Variants in ADGRG6 observed in about 807,000 individuals in gnomAD.
ADGRG6 encodes adhesion G protein-coupled receptor G6.
ADGRG6 carries 84 observed loss-of-function variants against 142.4 expected under a neutral mutation model. That is an observed-to-expected ratio of 0.59 (90% CI 0.49 to 0.71). The LOEUF is 0.71. Ranked by LOEUF, ADGRG6 falls within the 30% of genes least tolerant of loss-of-function variation. The pLI is 0.00. For synonymous variants in ADGRG6, 521 were observed against 520.5 expected (o/e 1.00, Z -0.01); for missense variants, 1,367 against 1,466.6 (o/e 0.93, Z 1.11).
chr6:142,317,725 A>G (rs980280497), intron 2 of ADGRG6, among the ~76,000 whole-genome samples: 7 of 110,862 alleles, frequency 6.3e-5, no homozygotes, highest in Non-Finnish European at 1.2e-4. Context: ...TATATTATAT[A>G]TTAATATATA....
At chr6:142,409,749 G>C in intron 16 of ADGRG6, 125 bp from the exon 17 acceptor site, 1 of 493,538 alleles carries the variant, frequency 2.0e-6, no homozygotes, top group South Asian at 3.8e-5. Flanking sequence ...ACATTTTCAG[G>C]TTGAATTGGC....
At chr6:142,361,605 T>C (rs1241470998) in intron 2 of ADGRG6, among the ~76,000 whole-genome samples, 2 of 152,142 alleles carry the variant, frequency 1.3e-5, no homozygotes, top group Non-Finnish European at 2.9e-5. Flanking sequence ...GTATAAACAC[T>C]GTGTGAAATT....
chr6:142,385,172 T>A (rs1781964766), intron 6 of ADGRG6, among the ~76,000 whole-genome samples: 1 of 152,134 alleles, frequency 6.6e-6, no homozygotes, highest in Non-Finnish European at 1.5e-5. Context: ...CTTGGTGGAG[T>A]GGAGCTGTAT....
Position 142,343,548 on chromosome 6 carries a change from A to C in ADGRG6, c.104-24021A>C, listed in dbSNP as rs190655785. Among the ~76,000 whole-genome samples, 27 of 151,992 alleles carry C rather than the reference A, an allele frequency of 1.8e-4. No homozygotes were observed. The East Asian group carries it at 5.2e-3, about 29-fold the overall frequency. On this transcript the variant is annotated intron_variant, in intron 2 of 24. Transcript: ENST00000367609. Reference sequence around the variant, plus strand: ...GTATTTAGAGATACATCTTTTATTAAATCTACATTCAGGTTTTTCTTGAGA... The same window carrying C: ...GTATTTAGAGATACATCTTTTATTACATCTACATTCAGGTTTTTCTTGAGA...
rs1248850824 is a variant in ADGRG6, at chr6:142,443,835, A to G, written c.*320A>G. The stretch of plus-strand genomic sequence containing the variant: ...TTCAAATTAGAGACAAGGGAGAAGC[A>G]ATGCTGAGGAAGACCCTAGATAGAG... On this transcript the variant is annotated 3_prime_UTR_variant, in exon 25 of 25. Transcript: ENST00000367609. 5.3e-6 allele frequency: 1 copy of G among 187,070 alleles called. No homozygotes were observed. The highest frequency in any genetic ancestry group is 1.4e-4 in the East Asian group (1 of 6,932). 11.6% of individuals were successfully genotyped at this position (187,070 alleles called of 1,614,324 possible).
rs550852361 is a variant in ADGRG6, at chr6:142,412,794, T to C, written c.2541+1383T>C. On this transcript the variant is annotated intron_variant, in intron 18 of 24. Transcript: ENST00000367609. ...TATTTTTTGTGATTACTCATTCAGG[T>C]ATGTAAGCTTTAGCTTAATTCATTT... Among the ~76,000 whole-genome samples, 3 of 152,294 alleles carry C rather than the reference T, an allele frequency of 2.0e-5. No individual in the cohort carries two copies. In the East Asian group the frequency reaches 5.8e-4, roughly 29 times the overall value.
chr6:142,338,017 G>GTTTTTTTTTGTTTTTTTTTTTTTTT, intron 2 of ADGRG6, among the ~76,000 whole-genome samples: 1 of 35,392 alleles, frequency 2.8e-5, no homozygotes, highest in Non-Finnish European at 4.7e-5. Context: ...TTGTATCTTT[G>GTTTTTTTTTGTTTTTTTTTTTTTTT]TTTTTTTTTT....
chr6:142,445,552 C>T lies in ADGRG6; in HGVS notation c.*2037C>T, dbSNP rs534641345. ...TTTGCTTTTGATTTCTACTCATATT[C>T]GTATGGCTCCAGAAAAATATTTTTT... is the stretch of plus-strand genomic sequence containing the variant. On this transcript the variant is annotated 3_prime_UTR_variant, in exon 25 of 25. Transcript: ENST00000367609. 51 of 152,208 alleles carry T rather than the reference C, an allele frequency of 3.4e-4. No homozygotes were observed. The highest frequency in any genetic ancestry group is 1.1e-3 in the African/African-American group (47 of 41,548). The allele number at this position is 152,208 out of a possible 1,614,324, so 9.4% of individuals were successfully genotyped here.
At chr6:142,393,997 T>G (rs1475928333) in intron 9 of ADGRG6, 39 bp downstream of exon 9, 5 of 1,254,338 alleles carry the variant, frequency 4.0e-6, no homozygotes, top group African/African-American at 1.5e-5. Context: ...TAACATTCTT[T>G]CTCTTGCTCA....
chr6:142,316,306 A>G (rs918876581), intron 2 of ADGRG6, among the ~76,000 whole-genome samples: 9 of 152,170 alleles, frequency 5.9e-5, no homozygotes, highest in Admixed American at 5.9e-4. Context: ...TGTTTGTACT[A>G]GAGCTCAGAA....
intron 2 of ADGRG6, among the ~76,000 whole-genome samples, chr6:142,332,504 T>G (rs1237616644): frequency 2.0e-5 from 3 of 152,018 alleles, no homozygotes; most frequent in South Asian, 4.2e-4. Context: ...TTTTTTTTTT[T>G]TGTGAAGGAA....
intron 2 of ADGRG6, among the ~76,000 whole-genome samples, chr6:142,346,179 G>A (rs763595948): frequency 1.3e-5 from 2 of 152,118 alleles, no homozygotes; most frequent in South Asian, 2.1e-4. Context: ...AGGCTCAGAA[G>A]CTTGACTTTG....
At chr6:142,381,573 T>C (rs1189882387) in intron 4 of ADGRG6, among the ~76,000 whole-genome samples, 3 of 152,232 alleles carry the variant, frequency 2.0e-5, no homozygotes, top group African/African-American at 7.2e-5. Flanking sequence ...TTATGGGTAA[T>C]TCATATTAAC....
intron 1 of ADGRG6, among the ~76,000 whole-genome samples, chr6:142,308,493 A>G (rs1157487011): frequency 6.6e-6 from 1 of 151,958 alleles, no homozygotes; most frequent in East Asian, 1.9e-4. Flanking sequence ...AGTATTACAC[A>G]TTTTACTCAG....
intron 2 of ADGRG6, among the ~76,000 whole-genome samples, chr6:142,348,552 C>T (rs748370741): frequency 6.6e-6 from 1 of 152,100 alleles, no homozygotes; most frequent in Admixed American, 6.5e-5. Context: ...GAGTGGACTT[C>T]AGTAACCAAC....
chr6:142,417,338 GA>G lies in ADGRG6; in HGVS notation c.3007del (p.Ser1003ValfsTer21). The G allele has an allele frequency of 6.3e-7, 1 of 1,592,386 alleles. No homozygotes were observed. Among genetic ancestry groups the G allele is most frequent in the Non-Finnish European group, 8.6e-7 (1 of 1,162,054 alleles). ...AAACAACAATGAAGTCTATGGAAAA[GA>G]AAGTTATGGGAAAGAAAAAGGTGAT... The part of the protein sequence containing the change: ...SRNNNEVYGK[E>X]SYGKEKGDEF... On this transcript the variant is annotated frameshift_variant, in exon 21 of 25. Transcript: ENST00000367609. LOFTEE classifies it high-confidence loss of function.
At chr6:142,424,630 C>A (rs372207669) in intron 22 of ADGRG6, among the ~76,000 whole-genome samples, 20 of 145,354 alleles carry the variant, frequency 1.4e-4, no homozygotes, top group African/African-American at 1.8e-4. Context: ...GTCTAAAATT[C>A]TCTTTTTTGG....
chr6:142,325,309 T>C (rs1778719135), intron 2 of ADGRG6, among the ~76,000 whole-genome samples: 1 of 152,124 alleles, frequency 6.6e-6, no homozygotes, highest in African/African-American at 2.4e-5. Flanking sequence ...CGGGTTCCCA[T>C]AGGAGAGAAG....
intron 15 of ADGRG6, 150 bp downstream of exon 15, chr6:142,405,978 TTAAA>T (rs772782250): frequency 2.6e-5 from 14 of 542,048 alleles, no homozygotes; most frequent in Non-Finnish European, 4.4e-5. Flanking sequence ...ATATAATTGT[TTAAA>T]TATTTTATTT....
Sources: allele counts gnomAD v4.1 joint callset (sites outside exome capture counted in the v4.1 genomes callset), GRCh38; gene constraint gnomAD v4.1.1; transcripts MANE v1.5; gene names NCBI Gene and HGNC (gene_info 2026-07-23, HGNC 2026-07-21).